Variants in TRIM2 observed in about 807,000 individuals in gnomAD.
TRIM2 encodes the protein tripartite motif-containing protein 2.
A neutral mutation model predicts 75.2 loss-of-function variants in TRIM2; 20 were observed. That is an observed-to-expected ratio of 0.27 (90% CI 0.19 to 0.39). The LOEUF is 0.39. Among genes scored for constraint, TRIM2 ranks in the 10% least tolerant of loss-of-function variants. TRIM2 has a pLI of 1.00. For synonymous variants in TRIM2, 373 were observed against 388.3 expected (o/e 0.96, Z 0.46); for missense variants, 660 against 990.8 (o/e 0.67, Z 4.48).
In TRIM2 at chr4:153,336,109, G is replaced by A. The variant is rs540011731; in HGVS notation, c.*1143G>A. 4.1e-6 allele frequency: 4 copies of A among 969,726 alleles called. No homozygotes were observed. In the South Asian group the frequency reaches 1.9e-4, roughly 46 times the overall value. The allele number at this position is 969,726 out of a possible 1,614,324, so 60.1% of individuals were successfully genotyped here. A position where few individuals can be genotyped will look rare whatever the true frequency, so the allele number is the denominator to read the frequency against. ...ATGTATACATGATTAGGGTAAGATAGAATGTATTATATATATATATATATA... is the reference window on the plus strand; with the variant it reads ...ATGTATACATGATTAGGGTAAGATAAAATGTATTATATATATATATATATA... On this transcript the variant is annotated 3_prime_UTR_variant, in exon 12 of 12. Transcript: ENST00000338700.
intron 1 of TRIM2, among the ~76,000 whole-genome samples, chr4:153,179,868 T>G (rs907819327): frequency 2.0e-5 from 3 of 152,166 alleles, no homozygotes; most frequent in African/African-American, 7.2e-5. Context: ...TATTTAGATA[T>G]CCAGCCACTG....
chr4:153,242,386 G>A (rs950044375), intron 1 of TRIM2, among the ~76,000 whole-genome samples: 16 of 151,248 alleles, frequency 1.1e-4, no homozygotes, highest in African/African-American at 3.4e-4. Flanking sequence ...ACAGGATGTC[G>A]TGGTTTATTT....
chr4:153,242,300 G>T (rs1384436364), intron 1 of TRIM2, among the ~76,000 whole-genome samples: 2 of 150,384 alleles, frequency 1.3e-5, no homozygotes, highest in South Asian at 2.1e-4. Flanking sequence ...CTTAGCCTTG[G>T]TCTATTTTGT....
chr4:153,301,678 A>G (rs1763955985), intron 6 of TRIM2, among the ~76,000 whole-genome samples: 1 of 152,178 alleles, frequency 6.6e-6, no homozygotes, highest in South Asian at 2.1e-4. Flanking sequence ...ATGGTGTGAG[A>G]TGAAAGTCTG....
Position 153,339,185 on chromosome 4 carries a change from T to C in TRIM2, c.*4219T>C. Reference sequence around the variant, plus strand: ...GTTCGTAGCTACATACGTACCACAGTATTTTGGATGCTTTAGTCTACAATG... The same window carrying C: ...GTTCGTAGCTACATACGTACCACAGCATTTTGGATGCTTTAGTCTACAATG... On this transcript the variant is annotated 3_prime_UTR_variant, in exon 12 of 12. Coordinates refer to ENST00000338700, the MANE Select transcript of TRIM2 (RefSeq NM_015271.5). The C allele has an allele frequency of 1.0e-6, 1 of 985,896 alleles. No individual in the cohort carries two copies. Among genetic ancestry groups the C allele is most frequent in the Non-Finnish European group, 1.2e-6 (1 of 829,920 alleles). 61.1% of individuals were successfully genotyped at this position (985,896 alleles called of 1,614,324 possible). A position where few individuals can be genotyped will look rare whatever the true frequency, so the allele number is the denominator to read the frequency against.
intron 1 of TRIM2, among the ~76,000 whole-genome samples, chr4:153,251,167 C>T (rs1750783642): frequency 6.6e-6 from 1 of 152,216 alleles, no homozygotes; most frequent in Non-Finnish European, 1.5e-5. Flanking sequence ...TCCTGACAGT[C>T]CTGTTTGTCC....
intron 1 of TRIM2, among the ~76,000 whole-genome samples, chr4:153,244,229 TTCTTC>T (rs1466779110): frequency 7.4e-6 from 1 of 135,272 alleles, no homozygotes; most frequent in African/African-American, 2.8e-5. Context: ...CTTCTCCTCC[TTCTTC>T]TCTTCTCCTT....
intron 1 of TRIM2, among the ~76,000 whole-genome samples, chr4:153,258,337 T>G (rs1215468921): frequency 6.6e-6 from 1 of 152,028 alleles, no homozygotes; most frequent in Non-Finnish European, 1.5e-5. Context: ...TTTTTTCCTG[T>G]CTTTGAAGTA....
chr4:153,295,528 G>A lies in TRIM2; in HGVS notation c.1002G>A (p.Gly334=). 1 of 1,613,556 alleles carries A rather than the reference G, an allele frequency of 6.2e-7. No homozygotes were observed. The highest frequency in any genetic ancestry group is 8.5e-7 in the Non-Finnish European group (1 of 1,179,610). ...TGGATTTCATCGTGGAAACCGAGGG[G>A]CTGAAGAAGTCCATCCACAACCTCG... is the stretch of plus-strand genomic sequence containing the variant. ...DQLDFIVETE[G]LKKSIHNLGT... is the part of the protein sequence containing the mutation. Residue 334 remains glycine, a synonymous_variant, in exon 6 of 12, where the codon GGG becomes GGA. Transcript: ENST00000338700. The surrounding 1 kb of genome is among the most constrained non-coding windows in gnomAD (Gnocchi z 7.2).
intron 5 of TRIM2, among the ~76,000 whole-genome samples, chr4:153,294,838 C>A (rs1762463379): frequency 6.6e-6 from 1 of 152,140 alleles, no homozygotes; most frequent in South Asian, 2.1e-4. Context: ...CAAAATGAAC[C>A]CTGACTGCAG....
chr4:153,267,477 C>T (rs1755508446), intron 1 of TRIM2, among the ~76,000 whole-genome samples: 1 of 116,254 alleles, frequency 8.6e-6, no homozygotes. Context: ...ATGGTGAAAC[C>T]CCATCTCTAC....
chr4:153,257,539 G>T (rs978313873), intron 1 of TRIM2: 4 of 1,289,644 alleles, frequency 3.1e-6, no homozygotes, highest in Non-Finnish European at 4.0e-6. Flanking sequence ...TCTGTTCTGT[G>T]CATGAACTGG....
chr4:153,302,451 A>G (rs1361859622), intron 6 of TRIM2, among the ~76,000 whole-genome samples: 1 of 152,244 alleles, frequency 6.6e-6, no homozygotes, highest in Admixed American at 6.5e-5. Flanking sequence ...AGCAACTAAC[A>G]GCATGAGATA....
At chr4:153,220,815 GA>G (rs1739747907) in intron 1 of TRIM2, among the ~76,000 whole-genome samples, 1 of 152,152 alleles carries the variant, frequency 6.6e-6, no homozygotes, top group Non-Finnish European at 1.5e-5. Context: ...TGTCATTAGG[GA>G]AATGCAAAGC....
rs73854607 is a variant in TRIM2 at position 153,228,438 on chromosome 4, C to T, written c.30+23878C>T. Among the ~76,000 whole-genome samples the T allele has an allele frequency of 2.7e-3, 407 of 152,364 alleles. 1 individual carries two copies. The highest frequency in any genetic ancestry group is 9.3e-3 in the African/African-American group (388 of 41,588). On this transcript the variant is annotated intron_variant, in intron 1 of 11. Transcript: ENST00000338700. Reference sequence around the variant, plus strand: ...AAATGTGGCTCGCTAAAAGATAACACTTAATCTATACAGTTTCGTAGAGGG... The same window carrying T: ...AAATGTGGCTCGCTAAAAGATAACATTTAATCTATACAGTTTCGTAGAGGG...
chr4:153,263,543 A>C (rs184463408), intron 1 of TRIM2, among the ~76,000 whole-genome samples: 36 of 152,324 alleles, frequency 2.4e-4, no homozygotes, highest in Admixed American at 7.8e-4. Flanking sequence ...GGACACTTCT[A>C]GGTGCTGGAA....
upstream of TRIM2, among the ~76,000 whole-genome samples, chr4:153,204,279 C>G (rs1734798313): frequency 6.6e-6 from 1 of 152,204 alleles, no homozygotes; most frequent in South Asian, 2.1e-4. Context: ...TTCAGTGTTT[C>G]TCATTCCCGT....
At chr4:153,305,542 T>C (rs1040756875) in intron 6 of TRIM2, among the ~76,000 whole-genome samples, 5 of 152,272 alleles carry the variant, frequency 3.3e-5, no homozygotes, top group African/African-American at 9.6e-5. Context: ...CTCATGGTTC[T>C]GGAGGCTGTG....
intron 1 of TRIM2, among the ~76,000 whole-genome samples, chr4:153,267,755 CT>C (rs1389018101): frequency 6.8e-6 from 1 of 147,966 alleles, no homozygotes; most frequent in Non-Finnish European, 1.5e-5. Flanking sequence ...CCTTCCTTCT[CT>C]CTCTTTCTTT....
Sources: gnomAD v4.1 joint callset for allele counts (sites outside exome capture counted in the v4.1 genomes callset) on GRCh38, gnomAD v4.1.1 for gene constraint, Gnocchi (gnomAD v3.1) non-coding constraint, MANE v1.5 for transcripts, NCBI Gene and HGNC (gene_info 2026-07-23, HGNC 2026-07-21) for gene names.